ADRA1A: variants seen among roughly 807,000 people sequenced by gnomAD.
ADRA1A encodes alpha-1A adrenergic receptor.
Under a neutral mutation model 29.6 loss-of-function variants are expected in ADRA1A, and 31 were observed. The ratio of observed to expected loss-of-function variants is 1.05; its 90% CI spans 0.79 to 1.41. The LOEUF is 1.41. Among genes scored for constraint, ADRA1A ranks in the 40% most tolerant of loss-of-function variants. The pLI is 0.00. For missense variants in ADRA1A, 619 were observed against 601.1 expected (o/e 1.03, Z -0.31); for synonymous variants, 311 against 254.3 (o/e 1.22, Z -2.12).
At chr8:26,861,833 G>A (rs2130789753) in intron 2 of ADRA1A, among the ~76,000 whole-genome samples, 1 of 152,238 alleles carries the variant, frequency 6.6e-6, no homozygotes, top group Admixed American at 6.5e-5. Context: ...AGTGCTGAAT[G>A]TGATCACGTC....
At chr8:26,776,392 T>C (rs1806551757) in intron 2 of ADRA1A, among the ~76,000 whole-genome samples, 1 of 152,218 alleles carries the variant, frequency 6.6e-6, no homozygotes, top group Admixed American at 6.5e-5. Context: ...AATGACAACC[T>C]TGAGAGACAC....
intron 2 of ADRA1A, among the ~76,000 whole-genome samples, chr8:26,800,062 C>T (rs1005333242): frequency 6.6e-6 from 1 of 152,002 alleles, no homozygotes; most frequent in Non-Finnish European, 1.5e-5. Flanking sequence ...AGTTTGAGAC[C>T]AGCCTGATCA....
intron 2 of ADRA1A, chr8:26,779,521 G>T (rs749863583): frequency 1.3e-5 from 8 of 615,408 alleles, no homozygotes; most frequent in Non-Finnish European, 2.0e-5. Flanking sequence ...ACAGTCAAAA[G>T]GGGAAAACAG....
In ADRA1A at chr8:26,825,220, G is replaced by A. The variant is rs982278363; in HGVS notation, c.883+38867C>T. ...CATCTGTGTTGGGAGAGAGGAGACA[G>A]TTCCTTCTTTAGGGAATGGGGGTCA... On this transcript the variant is annotated intron_variant, in intron 2 of 2. Coordinates refer to ENST00000380573, the MANE Select transcript of ADRA1A (RefSeq NM_000680.4). The surrounding 1 kb of genome is among the most constrained non-coding windows in gnomAD (Gnocchi z 5.7). Among the ~76,000 whole-genome samples, 2 of 152,198 alleles carry A rather than the reference G, an allele frequency of 1.3e-5. No homozygotes were observed. The highest frequency in any genetic ancestry group is 4.8e-5 in the African/African-American group (2 of 41,446).
At chr8:26,803,919 CTTTTTT>C (rs34314160) in intron 2 of ADRA1A, among the ~76,000 whole-genome samples, 6 of 95,228 alleles carry the variant, frequency 6.3e-5, no homozygotes, top group African/African-American at 2.2e-4. Flanking sequence ...TGGAAGTTTC[CTTTTTT>C]TTTTTTTTTT....
At chr8:26,777,011 C>A (rs540413818) in intron 2 of ADRA1A, among the ~76,000 whole-genome samples, 43 of 152,288 alleles carry the variant, frequency 2.8e-4, no homozygotes, top group Non-Finnish European at 1.6e-4. Flanking sequence ...AGGCCAGACC[C>A]AATGGCTCCT....
chr8:26,860,710 T>G lies in ADRA1A; in HGVS notation c.883+3377A>C, dbSNP rs1207146175. 5.9e-5 allele frequency among the ~76,000 whole-genome samples: 9 copies of G among 152,158 alleles called. No individual in the cohort carries two copies. The East Asian group carries it at 1.7e-3, about 29-fold the overall frequency. On this transcript the variant is annotated intron_variant, in intron 2 of 2. Transcript: ENST00000380573. The surrounding 1 kb of genome is among the most constrained non-coding windows in gnomAD (Gnocchi z 4.7). ...CTAAAGAGATCACTATCTCTCTCCC[T>G]CTGTCTCTACTTGCCTCAGGGCTCA...
exon 3 of ADRA1A, chr8:26,748,329 G>A (rs1804779024): frequency 6.0e-6 from 1 of 167,492 alleles, no homozygotes; most frequent in African/African-American, 2.4e-5. Context: ...GAGTGGTTGG[G>A]GTCTTACCCC....
intron 2 of ADRA1A, among the ~76,000 whole-genome samples, chr8:26,833,343 G>A (rs1357421390): frequency 1.3e-5 from 2 of 152,134 alleles, no homozygotes; most frequent in Non-Finnish European, 2.9e-5. Context: ...TTCTATTTTT[G>A]AATGGGTTGG....
In ADRA1A at chr8:26,865,120, G is replaced by A; in HGVS notation, c.-151C>T. On this transcript the variant is annotated 5_prime_UTR_variant, in exon 2 of 3. Transcript: ENST00000380573. The surrounding 1 kb of genome is among the most constrained non-coding windows in gnomAD (Gnocchi z 7.6). ...GGCTGGGGGTGAGAGCGCGCGCGCG[G>A]GTGGGAAACAACCCTGGCCAGCCCT... 1 of 1,470,758 alleles carries A rather than the reference G, an allele frequency of 6.8e-7. No homozygotes were observed. Among genetic ancestry groups the A allele is most frequent in the Non-Finnish European group, 8.9e-7 (1 of 1,120,118 alleles). 91.1% of individuals were successfully genotyped at this position (1,470,758 alleles called of 1,614,324 possible).
At chr8:26,861,777 A>G (rs1585861834) in intron 2 of ADRA1A, among the ~76,000 whole-genome samples, 1 of 151,946 alleles carries the variant, frequency 6.6e-6, no homozygotes, top group East Asian at 1.9e-4. Context: ...AAACCTACCT[A>G]TTTCTCACAC....
intron 2 of ADRA1A, chr8:26,854,416 A>AGGGGGGGGGGGGGGGGGG (rs1200564632): frequency 5.3e-5 from 1 of 18,716 alleles, no homozygotes; most frequent in African/African-American, 2.1e-4. Context: ...CTGAAGTTAA[A>AGGGGGGGGGGGGGGGGGG]GCGGGGCGGG....
At chr8:26,756,007 G>A (rs933344575), downstream of ADRA1A, among the ~76,000 whole-genome samples, 1 of 151,998 alleles carries the variant, frequency 6.6e-6, no homozygotes, top group African/African-American at 2.4e-5. Flanking sequence ...TTTCAAACAT[G>A]CACAAACATG....
At chr8:26,799,702 T>C (rs551861105) in intron 2 of ADRA1A, among the ~76,000 whole-genome samples, 18 of 152,320 alleles carry the variant, frequency 1.2e-4, no homozygotes, top group African/African-American at 4.3e-4. Context: ...CAATGTGTCA[T>C]GTATGACATC....
chr8:26,820,253 C>T (rs191392072), intron 2 of ADRA1A, among the ~76,000 whole-genome samples: 24 of 152,182 alleles, frequency 1.6e-4, no homozygotes, highest in African/African-American at 4.3e-4. Context: ...TGCTAACAGA[C>T]GTACAGAATA....
intron 2 of ADRA1A, among the ~76,000 whole-genome samples, chr8:26,847,199 C>A (rs899810159): frequency 6.6e-6 from 1 of 151,734 alleles, no homozygotes; most frequent in African/African-American, 2.4e-5. Flanking sequence ...TGCACATGTA[C>A]CCTAAAACTT....
chr8:26,770,107 G>A lies in ADRA1A; in HGVS notation c.*42C>T. The A allele has an allele frequency of 8.6e-6, 13 of 1,516,522 alleles. No homozygotes were observed. The highest frequency in any genetic ancestry group is 1.1e-5 in the Non-Finnish European group (13 of 1,133,444). 93.9% of individuals were successfully genotyped at this position (1,516,522 alleles called of 1,614,324 possible). A position where few individuals can be genotyped will look rare whatever the true frequency, so the allele number is the denominator to read the frequency against. Reference sequence around the variant, plus strand: ...GGCCTTCCGAGAAGGAAGTGGGGTGGGTACCTAAGATTATTCCCCTTTCCT... The same window carrying A: ...GGCCTTCCGAGAAGGAAGTGGGGTGAGTACCTAAGATTATTCCCCTTTCCT... On this transcript the variant is annotated 3_prime_UTR_variant, in exon 3 of 3. Transcript: ENST00000380573.
chr8:26,782,732 C>T (rs189767273), intron 2 of ADRA1A, among the ~76,000 whole-genome samples: 1 of 152,274 alleles, frequency 6.6e-6, no homozygotes, highest in African/African-American at 2.4e-5. Context: ...TATGCCTAGA[C>T]CATCTCTGCC....
chr8:26,844,540 T>G (rs1022436781), intron 2 of ADRA1A, among the ~76,000 whole-genome samples: 1 of 152,188 alleles, frequency 6.6e-6, no homozygotes, highest in Non-Finnish European at 1.5e-5. Flanking sequence ...CAATTCCATT[T>G]GATGGAATAG....
Sources: allele counts gnomAD v4.1 joint callset (sites outside exome capture counted in the v4.1 genomes callset), GRCh38; gene constraint gnomAD v4.1.1; non-coding constraint Gnocchi (gnomAD v3.1); transcripts MANE v1.5; gene names NCBI Gene and HGNC (gene_info 2026-07-23, HGNC 2026-07-21).